PHF21A: variants seen among roughly 807,000 people sequenced by gnomAD.
The protein encoded by PHF21A is PHD finger protein 21A.
Under a neutral mutation model 82.5 loss-of-function variants are expected in PHF21A, and 11 were observed. That is an observed-to-expected ratio of 0.13 (90% CI 0.08 to 0.22). PHF21A has a LOEUF of 0.22. Among genes scored for constraint, PHF21A ranks in the 10% least tolerant of loss-of-function variants. PHF21A has a pLI of 1.00. For synonymous variants in PHF21A, 297 were observed against 302.8 expected, an observed-to-expected ratio of 0.98 and a Z score of 0.20; for missense variants, 579 against 837.8, an observed-to-expected ratio of 0.69 and a Z score of 3.81.
At chr11:46,031,102 A>C (rs1464298179) in intron 6 of PHF21A, among the ~76,000 whole-genome samples, 1 of 152,142 alleles carries the variant, frequency 6.6e-6, no homozygotes, top group East Asian at 1.9e-4. Flanking sequence ...AGTGCTATAC[A>C]TTTTTAGCCA....
At chr11:46,100,773 C>T (rs1271195222) in intron 1 of PHF21A, among the ~76,000 whole-genome samples, 1 of 152,146 alleles carries the variant, frequency 6.6e-6, no homozygotes, top group Admixed American at 6.5e-5. Flanking sequence ...TCTACCATTA[C>T]CTTGTAGTGA....
chr11:46,014,591 G>C (rs2137520871), intron 6 of PHF21A, among the ~76,000 whole-genome samples: 1 of 152,234 alleles, frequency 6.6e-6, no homozygotes, highest in South Asian at 2.1e-4. Flanking sequence ...TCTCCAAATG[G>C]CCGAGGCTGA....
intron 1 of PHF21A, among the ~76,000 whole-genome samples, chr11:46,094,262 T>G (rs2096963257): frequency 1.3e-5 from 2 of 152,196 alleles, no homozygotes; most frequent in Admixed American, 6.5e-5. Flanking sequence ...AATCCTGAAC[T>G]GATAAAGAAT....
At chr11:45,939,460 T>G (rs2089905652) in intron 15 of PHF21A, among the ~76,000 whole-genome samples, 1 of 152,152 alleles carries the variant, frequency 6.6e-6, no homozygotes, top group African/African-American at 2.4e-5. Context: ...ACAAATTAAA[T>G]TCATATGCGA....
At chr11:45,979,537 C>T (rs1193924329) in intron 7 of PHF21A, among the ~76,000 whole-genome samples, 1 of 152,204 alleles carries the variant, frequency 6.6e-6, no homozygotes, top group African/African-American at 2.4e-5. Flanking sequence ...CTTCTTCAGA[C>T]AGGTGGGAAA....
intron 6 of PHF21A, among the ~76,000 whole-genome samples, chr11:46,006,957 A>T (rs1210821268): frequency 6.6e-6 from 1 of 152,226 alleles, no homozygotes; most frequent in African/African-American, 2.4e-5. Flanking sequence ...TAACAATAAC[A>T]AGAGCTATTA....
At chr11:46,087,499 A>C (rs1461106158) in intron 3 of PHF21A, among the ~76,000 whole-genome samples, 2 of 152,184 alleles carry the variant, frequency 1.3e-5, no homozygotes, top group Non-Finnish European at 2.9e-5. Flanking sequence ...AAAAGTTAGG[A>C]CTAGTTGTAG....
intron 6 of PHF21A, among the ~76,000 whole-genome samples, chr11:46,073,779 G>A (rs985706546): frequency 5.9e-5 from 9 of 152,064 alleles, no homozygotes; most frequent in Admixed American, 2.0e-4. Context: ...TATAATTTAT[G>A]TAGCCAATCA....
At chr11:46,010,361 A>T (rs1490722526) in intron 6 of PHF21A, among the ~76,000 whole-genome samples, 1 of 152,242 alleles carries the variant, frequency 6.6e-6, no homozygotes, top group Non-Finnish European at 1.5e-5. Flanking sequence ...TATGTTACTT[A>T]TACCTCGCAA....
At chr11:45,962,561 A>G (rs1277722131) in intron 10 of PHF21A, among the ~76,000 whole-genome samples, 3 of 152,138 alleles carry the variant, frequency 2.0e-5, no homozygotes, top group East Asian at 3.8e-4. Flanking sequence ...GCAAACTAAA[A>G]TAACAATGAC....
intron 2 of PHF21A, among the ~76,000 whole-genome samples, chr11:46,091,383 C>T (rs1374868657): frequency 1.3e-5 from 2 of 151,756 alleles, no homozygotes; most frequent in African/African-American, 4.8e-5. Context: ...CCTGTGCATT[C>T]AAAGAAATGT....
At chr11:46,055,428 G>C (rs781007896) in intron 6 of PHF21A, among the ~76,000 whole-genome samples, 2 of 152,166 alleles carry the variant, frequency 1.3e-5, no homozygotes, top group Non-Finnish European at 2.9e-5. Context: ...GAAAAGTGTA[G>C]AGTACACAGT....
intron 4 of PHF21A, among the ~76,000 whole-genome samples, chr11:46,083,898 AG>A (rs2096824336): frequency 6.6e-6 from 1 of 152,238 alleles, no homozygotes; most frequent in Non-Finnish European, 1.5e-5. Context: ...AGCAGAAAAA[AG>A]ATTTCTTTCT....
intron 1 of PHF21A, among the ~76,000 whole-genome samples, chr11:46,107,125 T>C (rs1000537318): frequency 1.3e-5 from 2 of 152,230 alleles, no homozygotes; most frequent in Non-Finnish European, 2.9e-5. Context: ...TTACAACTTA[T>C]ATTTTAAAAT....
chr11:46,021,404 T>C (rs900583963), intron 6 of PHF21A, among the ~76,000 whole-genome samples: 2 of 152,046 alleles, frequency 1.3e-5, no homozygotes, highest in African/African-American at 4.8e-5. Flanking sequence ...TTTTAAACTA[T>C]TAACAAGTAT....
chr11:46,044,596 ATT>A (rs2096224845), intron 6 of PHF21A, among the ~76,000 whole-genome samples: 1 of 152,176 alleles, frequency 6.6e-6, no homozygotes, highest in African/African-American at 2.4e-5. Flanking sequence ...TTAGAAATCC[ATT>A]TTGCTTCTGC....
At chr11:46,044,900 C>A (rs1180257628) in intron 6 of PHF21A, among the ~76,000 whole-genome samples, 1 of 152,176 alleles carries the variant, frequency 6.6e-6, no homozygotes, top group African/African-American at 2.4e-5. Context: ...CTAAAGTATT[C>A]CATTCAAAAG....
chr11:46,082,028 G>C (rs1321172557), intron 4 of PHF21A, among the ~76,000 whole-genome samples: 1 of 151,958 alleles, frequency 6.6e-6, no homozygotes, highest in African/African-American at 2.4e-5. Flanking sequence ...ATCTAAATAA[G>C]ATCAAAAAAG....
chr11:45,971,673 T>C (rs2093754415), intron 7 of PHF21A, among the ~76,000 whole-genome samples: 1 of 152,108 alleles, frequency 6.6e-6, no homozygotes, highest in Non-Finnish European at 1.5e-5. Context: ...GGTATACAGA[T>C]ACAGAATGTG....
Sources: allele counts gnomAD v4.1 joint callset (sites outside exome capture counted in the v4.1 genomes callset), GRCh38; gene constraint gnomAD v4.1.1; transcripts MANE v1.5; gene names NCBI Gene and HGNC (gene_info 2026-07-23, HGNC 2026-07-21).